NOX3: variants seen among roughly 807,000 people sequenced by gnomAD.
NOX3 encodes NADPH oxidase catalytic subunit-like 3.
Under a neutral mutation model 76.7 loss-of-function variants are expected in NOX3, and 74 were observed. The observed-to-expected ratio is 0.96, with a 90% CI of 0.80 to 1.17. The LOEUF is 1.17. Among genes scored for constraint, NOX3 ranks in the 50% most tolerant of loss-of-function variants. The probability of loss-of-function intolerance (pLI) is 0.00; values close to 1 mark genes in which losing one functional copy is unlikely to be tolerated. For missense variants in NOX3, 695 were observed against 703.3 expected (o/e 0.99, Z 0.13); for synonymous variants, 263 against 261.1 (o/e 1.01, Z -0.07).
intron 7 of NOX3, among the ~76,000 whole-genome samples, chr6:155,435,231 C>T (rs2294683): frequency 0.12 from 17,760 of 151,992 alleles, 2,082 homozygotes; most frequent in East Asian, 0.53. Context: ...TAATTAATGC[C>T]GGCAAACGCT....
chr6:155,447,182 T>C (rs2114708049), intron 4 of NOX3, among the ~76,000 whole-genome samples: 1 of 152,072 alleles, frequency 6.6e-6, no homozygotes, highest in East Asian at 1.9e-4. Flanking sequence ...GTAGCTGGGA[T>C]TACAGGCACA....
chr6:155,443,912 T>C (rs1423448402), intron 4 of NOX3, among the ~76,000 whole-genome samples: 1 of 152,126 alleles, frequency 6.6e-6, no homozygotes, highest in Admixed American at 6.6e-5. Context: ...TTAAAGTGTA[T>C]AGTTATCATG....
intron 12 of NOX3, among the ~76,000 whole-genome samples, chr6:155,402,882 A>G (rs571803484): frequency 3.3e-5 from 5 of 152,342 alleles, no homozygotes; most frequent in African/African-American, 1.2e-4. Context: ...TGAGGCCACT[A>G]ACAAATCCAC....
At chr6:155,406,109 T>C (rs1192997631) in intron 12 of NOX3, among the ~76,000 whole-genome samples, 8 of 152,162 alleles carry the variant, frequency 5.3e-5, no homozygotes, top group Admixed American at 4.6e-4. Flanking sequence ...TTTCCTCAAA[T>C]ATGGGAACTG....
chr6:155,433,662 G>C (rs958927625), intron 7 of NOX3, among the ~76,000 whole-genome samples: 2 of 152,216 alleles, frequency 1.3e-5, no homozygotes, highest in African/African-American at 4.8e-5. Context: ...GCAGAGTGCT[G>C]ACAAAATGGC....
intron 9 of NOX3, among the ~76,000 whole-genome samples, chr6:155,424,290 T>C (rs1374593934): frequency 6.6e-6 from 1 of 150,870 alleles, no homozygotes; most frequent in Admixed American, 6.6e-5. Flanking sequence ...TCTAGGAAAG[T>C]AGGAGTCAGG....
rs958488188 is a variant in NOX3 at position 155,411,207 on chromosome 6, T to C, written c.1455+7A>G. 2 of 1,612,876 alleles carry C rather than the reference T, an allele frequency of 1.2e-6. No homozygotes were observed. Among genetic ancestry groups the C allele is most frequent in the African/African-American group, 2.7e-5 (2 of 74,880 alleles). ...AATATTGCTTATTCTCAGAGTCTTA[T>C]CAGTACCTGATTTTCATCCCAGCCG... On this transcript the variant is annotated splice_region_variant and intron_variant, in intron 11 of 13. Transcript: ENST00000159060.
At position 155,428,934 on chromosome 6, in the gene NOX3, C is replaced by A; in HGVS notation, c.1005G>T (p.Trp335Cys). 6.8e-6 allele frequency: 11 copies of A among 1,613,898 alleles called. No individual in the cohort carries two copies. Among genetic ancestry groups the A allele is most frequent in the Non-Finnish European group, 9.3e-6 (11 of 1,179,920 alleles). Residue 335 changes from tryptophan to cysteine, a missense_variant, in exon 9 of 14, where the codon TGG becomes TGT. By Grantham distance (215) the Trp-to-Cys change is radical. Coordinates refer to ENST00000159060, the MANE Select transcript of NOX3 (RefSeq NM_015718.3). ...VQCPAISSLE[W>C]HPFTLTSAPQ... ...GGGCAGAGGTAAGGGTGAAGGGGTGCCACTCCAGCGAAGATATGGCTGGGC... is the reference window on the plus strand; with the variant it reads ...GGGCAGAGGTAAGGGTGAAGGGGTGACACTCCAGCGAAGATATGGCTGGGC...
intron 11 of NOX3, among the ~76,000 whole-genome samples, chr6:155,407,966 TTTTG>T (rs1437425860): frequency 2.0e-5 from 3 of 152,044 alleles, no homozygotes; most frequent in Non-Finnish European, 2.9e-5. Context: ...GTTTGTTTGT[TTTTG>T]TTTGTTTGTA....
chr6:155,441,319 A>C lies in NOX3; in HGVS notation c.487-1182T>G, dbSNP rs927756747. ...CTTCTTCATTATTTTTTCTTCATAG[A>C]GCAAAGAGTGGAAATAAAATTGAAA... On this transcript the variant is annotated intron_variant, in intron 5 of 13. Coordinates refer to ENST00000159060, the MANE Select transcript of NOX3 (RefSeq NM_015718.3). Among the ~76,000 whole-genome samples the C allele has an allele frequency of 2.0e-5, 3 of 152,330 alleles. No homozygotes were observed. In the East Asian group the frequency reaches 5.8e-4, roughly 29 times the overall value.
rs72348061 is a variant in NOX3 at position 155,414,623 on chromosome 6, CTTTT to C, written c.1309-3267_1309-3264del. 1.1e-4 allele frequency among the ~76,000 whole-genome samples: 13 copies of C among 113,786 alleles called. 1 individual carries two copies. The highest frequency in any genetic ancestry group is 1.9e-4 in the Admixed American group (2 of 10,666). 74.6% of individuals were successfully genotyped at this position (113,786 alleles called of 152,430 possible). ...CACTTTTTTTTCTTTTCTTTTCTTT[CTTTT>C]TTTTTTTTTTTTTTTTTTGAGAGGG... On this transcript the variant is annotated intron_variant, in intron 10 of 13. Transcript: ENST00000159060.
chr6:155,447,039 A>AT (rs752248144), intron 4 of NOX3, among the ~76,000 whole-genome samples: 1 of 150,736 alleles, frequency 6.6e-6, no homozygotes, highest in Non-Finnish European at 1.5e-5. Flanking sequence ...AAGTTTTTAT[A>AT]TTTTATAACT....
At position 155,428,962 on chromosome 6, in the gene NOX3, T is replaced by C. The variant is rs746511479; in HGVS notation, c.977A>G (p.Gln326Arg). ...KMAPGQYILVQCPAISSLEWH... is the reference protein window; with the variant it reads ...KMAPGQYILVRCPAISSLEWH... Reference sequence around the variant, plus strand: ...CTCCAGCGAAGATATGGCTGGGCACTGCACCAAGATGTACTGCCCTGGCGC... The same window carrying C: ...CTCCAGCGAAGATATGGCTGGGCACCGCACCAAGATGTACTGCCCTGGCGC... The change falls in exon 9 of 14, where the codon CAG becomes CGG. Residue 326 changes from glutamine to arginine, a missense_variant. By Grantham distance (43) the Gln-to-Arg change is conservative. Coordinates refer to ENST00000159060, the MANE Select transcript of NOX3 (RefSeq NM_015718.3). The C allele has an allele frequency of 2.0e-5, 32 of 1,614,004 alleles. No homozygotes were observed. In the Admixed American group the frequency reaches 4.0e-4, roughly 20 times the overall value.
chr6:155,439,959 G>A lies in NOX3; in HGVS notation c.665C>T (p.Thr222Met), dbSNP rs149056057. Residue 222 changes from threonine to methionine, a missense_variant, in exon 6 of 14, where the codon ACG becomes ATG. By Grantham distance (81) the Thr-to-Met change is moderately conservative (BLOSUM62 -1). Transcript: ENST00000159060. ...GAGGAGCGCAGTATGGACTTACCCCGTCCCATGGATGGCCAGGCTGAGAAA... is the reference window on the plus strand; with the variant it reads ...GAGGAGCGCAGTATGGACTTACCCCATCCCATGGATGGCCAGGCTGAGAAA... ...VFFLSLAIHGTGRIVRGQTQD... is the reference protein window; with the variant it reads ...VFFLSLAIHGMGRIVRGQTQD... 5.5e-5 allele frequency: 89 copies of A among 1,613,262 alleles called. No homozygotes were observed. The highest frequency in any genetic ancestry group is 1.2e-4 in the African/African-American group (9 of 74,954).
rs1779145806 is a variant in NOX3 at position 155,396,870 on chromosome 6, C to A, written c.1673G>T (p.Gly558Val). ...CHLYSSADPR[G>V]VHFYYNKESF ...CTCCTTGTTGTAATAGAAATGAACA[C>A]CTCTGGGGTCAGCTGATGAATACAA... Residue 558 changes from glycine to valine, a missense_variant, in exon 13 of 14, where the codon GGT (glycine) becomes GTT (valine). Transcript: ENST00000159060. 1.2e-6 allele frequency: 2 copies of A among 1,613,046 alleles called. No homozygotes were observed. Among genetic ancestry groups the A allele is most frequent in the Non-Finnish European group, 1.7e-6 (2 of 1,179,308 alleles).
intron 9 of NOX3, among the ~76,000 whole-genome samples, chr6:155,424,248 G>C (rs944215251): frequency 2.6e-5 from 4 of 152,096 alleles, no homozygotes; most frequent in African/African-American, 9.7e-5. Flanking sequence ...GTGTATGCGT[G>C]ATCTGATTGA....
At chr6:155,451,328 T>A (rs1777137262) in intron 4 of NOX3, among the ~76,000 whole-genome samples, 1 of 152,110 alleles carries the variant, frequency 6.6e-6, no homozygotes. Context: ...GAGGAACTTC[T>A]CAGATATCAC....
At chr6:155,452,419 C>T (rs1777156883) in intron 4 of NOX3, among the ~76,000 whole-genome samples, 1 of 152,142 alleles carries the variant, frequency 6.6e-6, no homozygotes, top group South Asian at 2.1e-4. Flanking sequence ...CTCTAGGACA[C>T]GATGTCTTTT....
At chr6:155,404,613 C>A (rs149599875) in intron 12 of NOX3, among the ~76,000 whole-genome samples, 3 of 152,170 alleles carry the variant, frequency 2.0e-5, no homozygotes, top group Non-Finnish European at 4.4e-5. Flanking sequence ...CCTCCCCAAC[C>A]CTATGCTCAA....
Sources: gnomAD v4.1 joint callset for allele counts (sites outside exome capture counted in the v4.1 genomes callset) on GRCh38, gnomAD v4.1.1 for gene constraint, MANE v1.5 for transcripts, NCBI Gene and HGNC (gene_info 2026-07-23, HGNC 2026-07-21) for gene names.